Variants in WDFY3 observed in about 807,000 individuals in gnomAD.
The protein encoded by WDFY3 is WD repeat and FYVE domain containing 3.
Under a neutral mutation model 409.6 loss-of-function variants are expected in WDFY3, and 66 were observed. The observed-to-expected ratio is 0.16, with a 90% CI of 0.13 to 0.20. The LOEUF (loss-of-function observed/expected upper bound fraction) is 0.20. Among genes scored for constraint, WDFY3 ranks in the 10% least tolerant of loss-of-function variants. The pLI is 1.00. For synonymous variants in WDFY3, 1,521 were observed against 1,537.1 expected (o/e 0.99, Z 0.25); for missense variants, 3,031 against 4,298.1 (o/e 0.71, Z 8.24).
rs918416237 is a variant in WDFY3 at position 84,924,265 on chromosome 4, C to T, written c.-132+8005G>A. Among the ~76,000 whole-genome samples, 10 of 152,216 alleles carry T rather than the reference C, an allele frequency of 6.6e-5. No individual in the cohort carries two copies. The South Asian group carries it at 8.3e-4, about 13-fold the overall frequency. On this transcript the variant is annotated intron_variant, in intron 2 of 67. Transcript: ENST00000295888. ...AGCGTTTACAATATTTCTTAGGATA[C>T]TATCATTGCAGAGGTTTCTACAATG... is the stretch of plus-strand genomic sequence containing the variant.
chr4:84,875,432 G>A (rs967303157), intron 3 of WDFY3, among the ~76,000 whole-genome samples: 4 of 152,268 alleles, frequency 2.6e-5, no homozygotes, highest in Admixed American at 6.5e-5. Context: ...GTGAATGAAC[G>A]TGAAGGCCTA....
At chr4:84,824,521 A>G (rs1443097282) in intron 10 of WDFY3, among the ~76,000 whole-genome samples, 1 of 152,194 alleles carries the variant, frequency 6.6e-6, no homozygotes, top group Non-Finnish European at 1.5e-5. Context: ...TATATACTGT[A>G]TGATTACAGT....
rs184115727 is a variant in WDFY3, at chr4:84,801,044, G to A, written c.2822+606C>T. Reference sequence around the variant, plus strand: ...TGATTTCCATGGGCTAAGGGCTAACGATGTTGGGGTTAGGGGAGTGGGTAT... The same window carrying A: ...TGATTTCCATGGGCTAAGGGCTAACAATGTTGGGGTTAGGGGAGTGGGTAT... On this transcript the variant is annotated intron_variant, in intron 17 of 67. Coordinates refer to ENST00000295888, the MANE Select transcript of WDFY3 (RefSeq NM_014991.6). Among the ~76,000 whole-genome samples the A allele has an allele frequency of 7.2e-5, 11 of 152,288 alleles. No individual in the cohort carries two copies. In the East Asian group the frequency reaches 1.9e-3, roughly 27 times the overall value.
chr4:84,844,679 CATT>C (rs1757842472), intron 5 of WDFY3, among the ~76,000 whole-genome samples: 1 of 152,180 alleles, frequency 6.6e-6, no homozygotes, highest in Non-Finnish European at 1.5e-5. Flanking sequence ...TGTAGAAAAA[CATT>C]AATAATAAAC....
At chr4:84,867,594 A>G (rs2150276975) in intron 3 of WDFY3, among the ~76,000 whole-genome samples, 1 of 152,324 alleles carries the variant, frequency 6.6e-6, no homozygotes, top group East Asian at 1.9e-4. Context: ...CTAATCTCTT[A>G]TGTTAATAAG....
intron 3 of WDFY3, among the ~76,000 whole-genome samples, chr4:84,883,992 A>G (rs1248311316): frequency 6.6e-6 from 1 of 152,174 alleles, no homozygotes; most frequent in African/African-American, 2.4e-5. Flanking sequence ...ACATGCTAAA[A>G]ATTACAATTT....
chr4:84,889,616 G>C (rs1764669916), intron 3 of WDFY3, among the ~76,000 whole-genome samples: 1 of 151,636 alleles, frequency 6.6e-6, no homozygotes, highest in South Asian at 2.1e-4. Context: ...TTCAAATTCT[G>C]TTCCTATGAA....
Position 84,716,878 on chromosome 4 carries a change from A to T in WDFY3, c.7875+18T>A. ...GAATAAAGAAACATGATAAAACAGT[A>T]CTACTAAATTGACTCACCTGCAGGA... On this transcript the variant is annotated intron_variant, in intron 49 of 67. Transcript: ENST00000295888. The T allele has an allele frequency of 6.5e-7, 1 of 1,547,804 alleles. No homozygotes were observed. Among genetic ancestry groups the T allele is most frequent in the Non-Finnish European group, 8.7e-7 (1 of 1,148,518 alleles).
At chr4:84,784,092 T>C (rs923425544) in intron 24 of WDFY3, among the ~76,000 whole-genome samples, 1 of 152,178 alleles carries the variant, frequency 6.6e-6, no homozygotes, top group Admixed American at 6.5e-5. Flanking sequence ...AGTGAATCCT[T>C]GATCTTACAA....
chr4:84,692,868 A>G lies in WDFY3; in HGVS notation c.9049+17T>C. 2 of 1,579,252 alleles carry G rather than the reference A, an allele frequency of 1.3e-6. No individual in the cohort carries two copies. The highest frequency in any genetic ancestry group is 1.7e-6 in the Non-Finnish European group (2 of 1,168,718). On this transcript the variant is annotated intron_variant, in intron 59 of 67. Transcript: ENST00000295888. ...CCATTAAATCATTAATCAAAAGTTT[A>G]TTTCTCATTATTTTACCTTTTACAG...
Position 84,737,489 on chromosome 4 carries a change from A to C in WDFY3, c.6575-123T>G. The C allele has an allele frequency of 2.6e-6, 3 of 1,168,020 alleles. No homozygotes were observed. The South Asian group carries it at 6.3e-5, about 24-fold the overall frequency. The allele number at this position is 1,168,020 out of a possible 1,614,324, so 72.4% of individuals were successfully genotyped here. ...TTTCGACTACAGTATTTAATGTAAA[A>C]AAAACAAAGCTCATGTTGTATCTAG... On this transcript the variant is annotated intron_variant, in intron 40 of 67. Coordinates refer to ENST00000295888, the MANE Select transcript of WDFY3 (RefSeq NM_014991.6).
At chr4:84,957,413 G>A (rs1416324903) in intron 1 of WDFY3, among the ~76,000 whole-genome samples, 2 of 152,074 alleles carry the variant, frequency 1.3e-5, no homozygotes, top group African/African-American at 4.8e-5. Context: ...AAAATGAGGG[G>A]TAAGTGACTC....
chr4:84,822,291 T>C (rs1391188401), intron 10 of WDFY3, among the ~76,000 whole-genome samples: 3 of 152,070 alleles, frequency 2.0e-5, no homozygotes, highest in Non-Finnish European at 4.4e-5. Context: ...CAATACCTAT[T>C]AGGAGTATAT....
chr4:84,801,752 C>T lies in WDFY3; in HGVS notation c.2720G>A (p.Arg907Lys). The T allele has an allele frequency of 6.8e-6, 11 of 1,613,994 alleles. No homozygotes were observed. The highest frequency in any genetic ancestry group is 9.3e-6 in the Non-Finnish European group (11 of 1,180,016). ...CTCATCAGCCAATGCAGCACTGCACCTCTGCAGCAGTCGTGCATGAAGACC... is the reference window on the plus strand; with the variant it reads ...CTCATCAGCCAATGCAGCACTGCACTTCTGCAGCAGTCGTGCATGAAGACC... ...EAGLHARLLQRCSAALADEDH... is the reference protein window; with the variant it reads ...EAGLHARLLQKCSAALADEDH... Residue 907 changes from arginine to lysine, a missense_variant, in exon 17 of 68, where the codon AGG becomes AAG. Physicochemically the swap from Arg to Lys is conservative, Grantham distance 26. Coordinates refer to ENST00000295888, the MANE Select transcript of WDFY3 (RefSeq NM_014991.6).
At chr4:84,752,277 G>A (rs938931043) in intron 35 of WDFY3, among the ~76,000 whole-genome samples, 1 of 152,110 alleles carries the variant, frequency 6.6e-6, no homozygotes, top group Non-Finnish European at 1.5e-5. Context: ...ACTTTGGGAG[G>A]CCGACATAGG....
chr4:84,787,690 T>C lies in WDFY3; in HGVS notation c.3693A>G (p.Pro1231=), dbSNP rs200191206. 242 of 1,613,520 alleles carry C rather than the reference T, an allele frequency of 1.5e-4. 1 individual carries two copies. The highest frequency in any genetic ancestry group is 1.4e-3 in the South Asian group (125 of 91,074). ...TVKLHYVHST[P]GGSGSANPPV... ...GTGGATTTGCCGAACCTGAACCCCCTGGAGTACTGTGGACATAATGAAGCT... is the reference window on the plus strand; with the variant it reads ...GTGGATTTGCCGAACCTGAACCCCCCGGAGTACTGTGGACATAATGAAGCT... Residue 1231 remains proline, a synonymous_variant, in exon 23 of 68, where the codon CCA becomes CCG. Coordinates refer to ENST00000295888, the MANE Select transcript of WDFY3 (RefSeq NM_014991.6).
chr4:84,813,251 T>C (rs1169801877), intron 13 of WDFY3, among the ~76,000 whole-genome samples: 2 of 152,148 alleles, frequency 1.3e-5, no homozygotes, highest in Non-Finnish European at 2.9e-5. Context: ...CTATTGGCTC[T>C]CAGCGCTACT....
intron 32 of WDFY3, among the ~76,000 whole-genome samples, chr4:84,760,230 A>G (rs1742296059): frequency 6.6e-6 from 1 of 152,120 alleles, no homozygotes; most frequent in Non-Finnish European, 1.5e-5. Context: ...GGATTTTTGC[A>G]TCAATGTTCA....
chr4:84,784,625 G>T (rs1747137815), intron 24 of WDFY3, among the ~76,000 whole-genome samples: 1 of 151,776 alleles, frequency 6.6e-6, no homozygotes, highest in East Asian at 1.9e-4. Context: ...ATCACCTGAG[G>T]TTAGGAGTTT....
Sources: allele counts gnomAD v4.1 joint callset (sites outside exome capture counted in the v4.1 genomes callset), GRCh38; gene constraint gnomAD v4.1.1; transcripts MANE v1.5; gene names NCBI Gene and HGNC (gene_info 2026-07-23, HGNC 2026-07-21).